The following LRPPRC variants were observed in gnomAD, a reference collection of about 807,000 sequenced individuals.
LRPPRC encodes the protein leucine rich pentatricopeptide repeat containing, also known as leucine-rich PPR motif-containing protein, mitochondrial.
A neutral mutation model predicts 180.3 loss-of-function variants in LRPPRC; 120 were observed. That is an observed-to-expected ratio of 0.67 (90% CI 0.57 to 0.77). LRPPRC has a LOEUF of 0.77. LRPPRC is among the 30% of genes least tolerant of loss of function. LRPPRC has a pLI of 0.00. For missense variants in LRPPRC, 2,012 were observed against 1,657.2 expected (o/e 1.21, Z -3.72); for synonymous variants, 723 against 600.0 (o/e 1.21, Z -3.00).
chr2:43,972,458 G>A (rs922070646), intron 11 of LRPPRC, among the ~76,000 whole-genome samples: 1 of 152,228 alleles, frequency 6.6e-6, no homozygotes, highest in African/African-American at 2.4e-5. Flanking sequence ...ATTTCAACTG[G>A]TACCAAAAAA....
At chr2:43,977,641 G>T (rs569569966) in intron 3 of LRPPRC, among the ~76,000 whole-genome samples, 55 of 152,266 alleles carry the variant, frequency 3.6e-4, no homozygotes, top group African/African-American at 1.2e-3. Context: ...ACACTGTGAA[G>T]AATGGATTGT....
chr2:43,965,169 T>G (rs947688489), intron 11 of LRPPRC, among the ~76,000 whole-genome samples: 2 of 152,190 alleles, frequency 1.3e-5, no homozygotes, highest in Admixed American at 6.5e-5. Flanking sequence ...GACCAGCTAG[T>G]TTTTGTATTT....
At chr2:43,933,802 G>A (rs1248587793) in intron 25 of LRPPRC, among the ~76,000 whole-genome samples, 2 of 152,158 alleles carry the variant, frequency 1.3e-5, no homozygotes, top group Non-Finnish European at 2.9e-5. Context: ...AATAAATCTT[G>A]AGCATGGTCT....
chr2:43,918,856 TATATAG>T (rs1243088062), intron 27 of LRPPRC, among the ~76,000 whole-genome samples: 2 of 148,614 alleles, frequency 1.3e-5, no homozygotes, highest in East Asian at 1.9e-4. Context: ...TAGAGATATA[TATATAG>T]ATATAGATAG....
Position 43,905,756 on chromosome 2 carries a change from G to A in LRPPRC, c.3300C>T (p.Phe1100=). The A allele has an allele frequency of 6.2e-7, 1 of 1,613,596 alleles. No individual in the cohort carries two copies. Among genetic ancestry groups the A allele is most frequent in the Non-Finnish European group, 8.5e-7 (1 of 1,179,442 alleles). Reference sequence around the variant, plus strand: ...GGCTGTTGGCAGCATCGTTCAGTGTGAAGCCCTTGATGTGGGTCTCCGCGC... The same window carrying A: ...GGCTGTTGGCAGCATCGTTCAGTGTAAAGCCCTTGATGTGGGTCTCCGCGC... ...KAFAETHIKG[F]TLNDAANSRL... The change falls in exon 31 of 38, where the codon TTC becomes TTT. Residue 1100 remains phenylalanine, a synonymous_variant. Coordinates refer to ENST00000260665, the MANE Select transcript of LRPPRC (RefSeq NM_133259.4).
chr2:43,889,727 T>C lies in LRPPRC; in HGVS notation c.4128+7A>G, dbSNP rs2104970206. On this transcript the variant is annotated splice_region_variant and intron_variant, in intron 37 of 37. Transcript: ENST00000260665. ...GTATTTTTTCCCCTTAATTAAGAAA[T>C]ACTCACAGGGGGTTCAATGAAAGGG... The C allele has an allele frequency of 6.2e-7, 1 of 1,608,996 alleles. No homozygotes were observed. Among genetic ancestry groups the C allele is most frequent in the Non-Finnish European group, 8.5e-7 (1 of 1,175,352 alleles).
intron 23 of LRPPRC, among the ~76,000 whole-genome samples, chr2:43,937,815 G>A (rs1328972260): frequency 6.6e-6 from 1 of 152,140 alleles, no homozygotes; most frequent in African/African-American, 2.4e-5. Flanking sequence ...TAGGCAGGAT[G>A]AAATCAGTAA....
At chr2:43,987,418 C>G (rs967654613) in intron 1 of LRPPRC, among the ~76,000 whole-genome samples, 32 of 148,830 alleles carry the variant, frequency 2.2e-4, no homozygotes, top group African/African-American at 8.0e-4. Context: ...TGGCGTTAAC[C>G]CAGGAGGCGG....
At chr2:43,907,950 T>G (rs992443925) in intron 30 of LRPPRC, among the ~76,000 whole-genome samples, 1 of 152,168 alleles carries the variant, frequency 6.6e-6, no homozygotes, top group East Asian at 1.9e-4. Flanking sequence ...GTATAATACA[T>G]GTAAAAATAT....
intron 14 of LRPPRC, among the ~76,000 whole-genome samples, chr2:43,956,820 G>T (rs1303794882): frequency 2.0e-5 from 3 of 152,288 alleles, no homozygotes; most frequent in East Asian, 1.9e-4. Flanking sequence ...AACCCAGGAG[G>T]CGGACGTCGC....
At chr2:43,990,572 C>A (rs1225340363) in intron 1 of LRPPRC, among the ~76,000 whole-genome samples, 2 of 152,184 alleles carry the variant, frequency 1.3e-5, no homozygotes, top group Non-Finnish European at 2.9e-5. Flanking sequence ...ACGGGATAAA[C>A]GGCCTCCAAG....
At chr2:43,890,661 C>T (rs968921304) in intron 36 of LRPPRC, among the ~76,000 whole-genome samples, 45 of 152,056 alleles carry the variant, frequency 3.0e-4, no homozygotes, top group African/African-American at 1.0e-3. Flanking sequence ...TGCAGTGAGC[C>T]GAGATGGTGC....
chr2:43,981,696 A>C (rs1037391643), intron 2 of LRPPRC, among the ~76,000 whole-genome samples: 29 of 152,098 alleles, frequency 1.9e-4, no homozygotes, highest in African/African-American at 7.0e-4. Flanking sequence ...AGTTACTCCA[A>C]ACTTTGCCCA....
chr2:43,946,840 AG>A (rs1672698016), intron 20 of LRPPRC, among the ~76,000 whole-genome samples: 1 of 152,106 alleles, frequency 6.6e-6, no homozygotes, highest in South Asian at 2.1e-4. Flanking sequence ...AAAAAAGGCA[AG>A]GGACCCTTTA....
At chr2:43,951,639 C>G (rs13415134) in intron 14 of LRPPRC, among the ~76,000 whole-genome samples, 93,418 of 151,972 alleles carry the variant, frequency 0.61, 30,140 homozygotes, top group East Asian at 0.96. Flanking sequence ...AATAGTCCAG[C>G]AAAGAAAGAG....
chr2:43,918,567 T>C (rs1272982357), intron 27 of LRPPRC, among the ~76,000 whole-genome samples, 169 bp from the exon 28 acceptor site: 1 of 152,022 alleles, frequency 6.6e-6, no homozygotes, highest in Non-Finnish European at 1.5e-5. Flanking sequence ...AGGGAACTTT[T>C]CTCTGTACTT....
chr2:43,994,645 A>C (rs1188976666), intron 1 of LRPPRC, among the ~76,000 whole-genome samples: 1 of 152,182 alleles, frequency 6.6e-6, no homozygotes, highest in Non-Finnish European at 1.5e-5. Flanking sequence ...CTCAGTCCTT[A>C]CGCGAGCTCT....
intron 23 of LRPPRC, among the ~76,000 whole-genome samples, chr2:43,942,156 T>C (rs372257453): frequency 1.3e-5 from 2 of 152,290 alleles, no homozygotes; most frequent in South Asian, 2.1e-4. Context: ...AGGTCTCCTC[T>C]GTCTTCAAAG....
chr2:43,895,879 T>A (rs1049466983), intron 35 of LRPPRC, among the ~76,000 whole-genome samples: 1 of 152,196 alleles, frequency 6.6e-6, no homozygotes, highest in African/African-American at 2.4e-5. Context: ...CAGTTAAACA[T>A]CAAAGTAGAA....
Sources: allele counts gnomAD v4.1 joint callset (sites outside exome capture counted in the v4.1 genomes callset), GRCh38; gene constraint gnomAD v4.1.1; transcripts MANE v1.5; gene names NCBI Gene and HGNC (gene_info 2026-07-23, HGNC 2026-07-21).